Variants in GABRA3 observed in about 807,000 individuals in gnomAD.
GABRA3 encodes the protein gamma-aminobutyric acid receptor subunit alpha-3.
A neutral mutation model predicts 30.1 loss-of-function variants in GABRA3; 10 were observed. The observed-to-expected ratio is 0.33, with a 90% CI of 0.20 to 0.56. The LOEUF (loss-of-function observed/expected upper bound fraction) is 0.56, where lower values mean the gene tolerates loss of function less well. Ranked by LOEUF, GABRA3 falls within the 20% of genes least tolerant of loss-of-function variation. GABRA3 has a pLI of 0.89. For synonymous variants in GABRA3, 151 were observed against 146.8 expected (o/e 1.03, Z -0.21); for missense variants, 233 against 392.0 (o/e 0.59, Z 3.42).
intron 3 of GABRA3, among the ~76,000 whole-genome samples, chrX:152,314,132 C>T (rs1261727711): frequency 9.0e-6 from 1 of 111,673 alleles, no homozygotes; most frequent in African/African-American, 3.3e-5. Flanking sequence ...CTACATGACA[C>T]GTCGACCCAC....
chrX:152,268,369 A>G (rs767193768), intron 4 of GABRA3, among the ~76,000 whole-genome samples: 6 of 111,566 alleles, frequency 5.4e-5, no homozygotes, highest in Non-Finnish European at 1.1e-4. Context: ...GTTTCATGAG[A>G]TAAGATGGTT....
intron 4 of GABRA3, among the ~76,000 whole-genome samples, chrX:152,267,581 G>C (rs1278366362): frequency 9.0e-6 from 1 of 110,932 alleles, no homozygotes; most frequent in African/African-American, 3.3e-5. Context: ...TGAGTGAATT[G>C]GTATTATTAA....
intron 2 of GABRA3, among the ~76,000 whole-genome samples, chrX:152,351,118 C>T (rs778162129): frequency 1.4e-4 from 16 of 111,585 alleles, no homozygotes; most frequent in Admixed American, 1.9e-4. Context: ...CTTAAGGGTC[C>T]TAGGATTTTC....
intron 3 of GABRA3, among the ~76,000 whole-genome samples, chrX:152,339,768 G>A (rs1477731254): frequency 9.1e-6 from 1 of 109,843 alleles, no homozygotes; most frequent in Non-Finnish European, 1.9e-5. Flanking sequence ...TCTCTTTCTC[G>A]TTTCACTTCT....
intron 6 of GABRA3, 61 bp from the exon 7 acceptor site, chrX:152,208,205 T>C (rs1937594438): frequency 9.0e-7 from 1 of 1,111,789 alleles, no homozygotes; most frequent in African/African-American, 1.8e-5. Flanking sequence ...TTACCCTTGA[T>C]ACTAAACTCA....
intron 9 of GABRA3, among the ~76,000 whole-genome samples, chrX:152,173,778 T>A (rs1025845802): frequency 1.9e-4 from 21 of 110,253 alleles, no homozygotes; most frequent in African/African-American, 6.9e-4. Context: ...CTAATTTATT[T>A]ATTTATTTAT....
chrX:152,412,802 A>G (rs1376029525), intron 1 of GABRA3, among the ~76,000 whole-genome samples: 6 of 111,299 alleles, frequency 5.4e-5, no homozygotes, highest in Non-Finnish European at 9.4e-5. Flanking sequence ...TTGCACAACA[A>G]TGTGAATGTA....
At chrX:152,204,927 A>C (rs1937519574) in intron 7 of GABRA3, among the ~76,000 whole-genome samples, 1 of 111,509 alleles carries the variant, frequency 9.0e-6, no homozygotes. Context: ...GTTTTCTCAC[A>C]ATCTTTGCTG....
At chrX:152,255,733 G>T in intron 5 of GABRA3, 45 bp downstream of exon 5, 1 of 1,100,456 alleles carries the variant, frequency 9.1e-7, no homozygotes, top group Non-Finnish European at 1.3e-6. Context: ...TTCAAGCCCA[G>T]TCCTACTCCC....
intron 3 of GABRA3, among the ~76,000 whole-genome samples, chrX:152,317,615 T>C (rs1269407215): frequency 2.7e-5 from 3 of 111,820 alleles, no homozygotes; most frequent in Non-Finnish European, 5.6e-5. Context: ...TTATATCAAG[T>C]ACTCTCTCAG....
intron 1 of GABRA3, among the ~76,000 whole-genome samples, chrX:152,437,316 G>T (rs975615289): frequency 8.9e-6 from 1 of 111,877 alleles, no homozygotes; most frequent in African/African-American, 3.2e-5. Flanking sequence ...ATATGTATAT[G>T]ATATCTTTAA....
intron 2 of GABRA3, among the ~76,000 whole-genome samples, chrX:152,348,035 T>C (rs1041265854): frequency 1.8e-5 from 2 of 111,685 alleles, no homozygotes; most frequent in Non-Finnish European, 3.8e-5. Flanking sequence ...ATGCTAAATA[T>C]CACCCCCAAA....
intron 1 of GABRA3, among the ~76,000 whole-genome samples, chrX:152,388,491 C>T (rs907770259): frequency 2.7e-5 from 3 of 111,629 alleles, no homozygotes; most frequent in Admixed American, 9.5e-5. Flanking sequence ...ATAAATGAGC[C>T]GATATTCACA....
At chrX:152,297,567 G>A (rs1443052501) in intron 3 of GABRA3, among the ~76,000 whole-genome samples, 1 of 111,958 alleles carries the variant, frequency 8.9e-6, no homozygotes, top group East Asian at 2.8e-4. Context: ...GAATGTAATG[G>A]GAAAAGCACT....
At chrX:152,355,811 CA>C (rs1260263564) in intron 2 of GABRA3, among the ~76,000 whole-genome samples, 1 of 111,627 alleles carries the variant, frequency 9.0e-6, no homozygotes, top group Non-Finnish European at 1.9e-5. Flanking sequence ...TGTTCACGTA[CA>C]TAATTCCATT....
intron 4 of GABRA3, among the ~76,000 whole-genome samples, chrX:152,258,646 G>A (rs184943707): frequency 8.9e-6 from 1 of 111,830 alleles, no homozygotes; most frequent in East Asian, 2.8e-4. Flanking sequence ...GAATACCAAA[G>A]AAGAGATTTT....
At chrX:152,319,051 T>C (rs1939921482) in intron 3 of GABRA3, among the ~76,000 whole-genome samples, 1 of 111,425 alleles carries the variant, frequency 9.0e-6, no homozygotes, top group Non-Finnish European at 1.9e-5. Context: ...ACTGTTACTG[T>C]TTGCTAATAT....
At chrX:152,279,271 T>A (rs1939152671) in intron 4 of GABRA3, among the ~76,000 whole-genome samples, 1 of 112,202 alleles carries the variant, frequency 8.9e-6, no homozygotes, top group Non-Finnish European at 1.9e-5. Flanking sequence ...TTAATCCATC[T>A]TGAATTGATT....
At position 152,205,593 on chromosome X, in the gene GABRA3, A is replaced by G. The variant is rs146725463; in HGVS notation, c.778+2408T>C. ...GACAACAGGGATTATCATCATTGTC[A>G]ACTATGCTCTGGCCTGACAGGAAGG... On this transcript the variant is annotated intron_variant, in intron 7 of 9. Coordinates refer to ENST00000370314, the MANE Select transcript of GABRA3 (RefSeq NM_000808.4). Among the ~76,000 whole-genome samples, 308 of 111,949 alleles carry G rather than the reference A, an allele frequency of 2.8e-3. 1 individual carries two copies. Among genetic ancestry groups the G allele is most frequent in the African/African-American group, 9.6e-3 (295 of 30,842 alleles).
Sources: gnomAD v4.1 joint callset for allele counts (sites outside exome capture counted in the v4.1 genomes callset) on GRCh38, gnomAD v4.1.1 for gene constraint, MANE v1.5 for transcripts, NCBI Gene and HGNC (gene_info 2026-07-23, HGNC 2026-07-21) for gene names.